KCNN2: variants seen among roughly 807,000 people sequenced by gnomAD.
The protein encoded by KCNN2 is small conductance calcium-activated potassium channel protein 2.
In KCNN2, 24 loss-of-function variants were observed where a neutral mutation model predicts 55.5. The ratio of observed to expected loss-of-function variants is 0.43; its 90% CI spans 0.31 to 0.61. The LOEUF is 0.61. KCNN2 is among the 20% of genes least tolerant of loss of function. The pLI, the probability that KCNN2 is intolerant of heterozygous loss-of-function variation, is 0.08. For synonymous variants in KCNN2, 431 were observed against 336.1 expected (o/e 1.28, Z -3.09); for missense variants, 754 against 853.6 (o/e 0.88, Z 1.45).
intron 1 of KCNN2, among the ~76,000 whole-genome samples, chr5:114,215,295 A>G (rs2112586287): frequency 6.6e-6 from 1 of 152,298 alleles, no homozygotes; most frequent in Admixed American, 6.5e-5. Context: ...TTTCTGCCAC[A>G]GTGAATAATA....
At chr5:114,400,107 A>G (rs572950456) in intron 2 of KCNN2, among the ~76,000 whole-genome samples, 40 of 151,324 alleles carry the variant, frequency 2.6e-4, no homozygotes, top group African/African-American at 5.6e-4. Flanking sequence ...CTGCTTCTCA[A>G]TTTCCTTCAG....
At chr5:114,478,902 TAAATA>T (rs1436350923) in intron 5 of KCNN2, among the ~76,000 whole-genome samples, 2 of 152,034 alleles carry the variant, frequency 1.3e-5, no homozygotes, top group Non-Finnish European at 2.9e-5. Flanking sequence ...AAGGAAGCAC[TAAATA>T]TGGAAAGGAA....
chr5:114,207,641 A>G (rs535564493), intron 1 of KCNN2, among the ~76,000 whole-genome samples: 101 of 152,340 alleles, frequency 6.6e-4, no homozygotes, highest in African/African-American at 2.3e-3. Context: ...TGTCCTTGAA[A>G]GAAAGGCAAT....
At chr5:114,429,089 G>A (rs1759713814) in intron 3 of KCNN2, among the ~76,000 whole-genome samples, 1 of 152,010 alleles carries the variant, frequency 6.6e-6, no homozygotes, top group Non-Finnish European at 1.5e-5. Context: ...ATACCTGGGA[G>A]CATGATTGAT....
upstream of KCNN2, chr5:114,361,950 C>T (rs1757434129): frequency 6.5e-6 from 1 of 153,426 alleles, no homozygotes; most frequent in African/African-American, 2.4e-5. Flanking sequence ...CAAACTCAGT[C>T]TCGGTCCCCG....
At chr5:114,224,767 G>A (rs377550924) in intron 2 of KCNN2, among the ~76,000 whole-genome samples, 1 of 152,186 alleles carries the variant, frequency 6.6e-6, no homozygotes. Context: ...GCCATGGGCT[G>A]TTACAGCTTG....
intron 3 of KCNN2, among the ~76,000 whole-genome samples, chr5:114,444,964 T>C (rs1181325295): frequency 6.6e-6 from 1 of 152,182 alleles, no homozygotes; most frequent in Non-Finnish European, 1.5e-5. Flanking sequence ...CATTGTATTA[T>C]TTTTCTAAAC....
chr5:114,166,222 C>T (rs1165344952), intron 1 of KCNN2, among the ~76,000 whole-genome samples: 3 of 152,020 alleles, frequency 2.0e-5, no homozygotes, highest in Non-Finnish European at 4.4e-5. Context: ...ATTCTCTTTC[C>T]CCTCTGTCTT....
At chr5:114,443,288 C>CA (rs895143002) in intron 3 of KCNN2, among the ~76,000 whole-genome samples, 7 of 117,054 alleles carry the variant, frequency 6.0e-5, no homozygotes, top group African/African-American at 9.7e-5. Flanking sequence ...GACTCCGTCT[C>CA]AAAAAAAAAG....
intron 1 of KCNN2, among the ~76,000 whole-genome samples, chr5:114,085,217 A>G (rs913172907): frequency 2.0e-4 from 30 of 151,882 alleles, no homozygotes; most frequent in African/African-American, 6.3e-4. Context: ...TTCCCTTTCC[A>G]TATAAACTTT....
At chr5:114,076,237 A>G (rs950317324) in intron 1 of KCNN2, among the ~76,000 whole-genome samples, 5 of 152,164 alleles carry the variant, frequency 3.3e-5, no homozygotes, top group African/African-American at 1.2e-4. Flanking sequence ...TGCTAATGGC[A>G]TCTTTGGTAG....
intron 2 of KCNN2, among the ~76,000 whole-genome samples, chr5:114,365,657 A>G (rs1034986308): frequency 8.5e-5 from 13 of 152,334 alleles, no homozygotes; most frequent in Admixed American, 7.2e-4. Flanking sequence ...CATGCCAAAA[A>G]CTGTGAAACG....
intron 2 of KCNN2, among the ~76,000 whole-genome samples, chr5:114,239,496 C>G (rs865851545): frequency 2.6e-5 from 4 of 152,112 alleles, no homozygotes; most frequent in African/African-American, 7.2e-5. Flanking sequence ...TAAAATGAAG[C>G]CTAACTGGGG....
At chr5:114,241,824 G>GTGTGTGTATATA (rs1180310046) in intron 2 of KCNN2, among the ~76,000 whole-genome samples, 1 of 31,974 alleles carries the variant, frequency 3.1e-5, no homozygotes, top group Admixed American at 4.0e-4. Flanking sequence ...ATATATGTGT[G>GTGTGTGTATATA]TATATATATA....
rs538131626 is a variant in KCNN2, at chr5:114,267,141, G to A, written c.-185+45576G>A. 9.2e-5 allele frequency among the ~76,000 whole-genome samples: 14 copies of A among 152,104 alleles called. No individual in the cohort carries two copies. In the South Asian group the frequency reaches 1.9e-3, roughly 20 times the overall value. ...CTCCTGAGTAGCTGGGACTAAAGGC[G>A]TATGCCACAATGCCCAGCTAATTTT... On this transcript the variant is annotated intron_variant, in intron 2 of 10. Coordinates refer to the KCNN2 transcript ENST00000512097.
At chr5:114,323,964 A>T (rs1283151296) in intron 2 of KCNN2, among the ~76,000 whole-genome samples, 1 of 152,146 alleles carries the variant, frequency 6.6e-6, no homozygotes, top group Non-Finnish European at 1.5e-5. Flanking sequence ...TGAAACAGTG[A>T]TATCTGAAAG....
intron 2 of KCNN2, among the ~76,000 whole-genome samples, chr5:114,384,007 AG>A (rs1758205499): frequency 6.6e-6 from 1 of 152,230 alleles, no homozygotes; most frequent in Non-Finnish European, 1.5e-5. Context: ...TCTACATTGT[AG>A]TTCTTATTCA....
chr5:114,185,646 C>T (rs1275262573), intron 1 of KCNN2, among the ~76,000 whole-genome samples: 1 of 152,210 alleles, frequency 6.6e-6, no homozygotes, highest in African/African-American at 2.4e-5. Context: ...CCTAAATTTC[C>T]ATGGCCGTGG....
chr5:114,453,554 G>C (rs1405050131), intron 3 of KCNN2, among the ~76,000 whole-genome samples: 1 of 152,084 alleles, frequency 6.6e-6, no homozygotes, highest in Non-Finnish European at 1.5e-5. Flanking sequence ...GTGCCTTCCA[G>C]TTTTCCAGTC....
Sources: gnomAD v4.1 joint callset for allele counts (sites outside exome capture counted in the v4.1 genomes callset) on GRCh38, gnomAD v4.1.1 for gene constraint, MANE v1.5 for transcripts, NCBI Gene and HGNC (gene_info 2026-07-23, HGNC 2026-07-21) for gene names.